CFAP95: variants seen among roughly 807,000 people sequenced by gnomAD.
CFAP95 encodes the protein cilia- and flagella-associated protein 95.
the CFAP95 span, among the ~76,000 whole-genome samples, chr9:69,878,990 A>T: frequency 6.6e-6 from 1 of 152,160 alleles, no homozygotes; most frequent in African/African-American, 2.4e-5. Flanking sequence ...ATATGACCAG[A>T]TAGTGCGAGA....
the CFAP95 span, among the ~76,000 whole-genome samples, chr9:69,895,361 C>CTGTGTGTGTG: frequency 3.6e-4 from 33 of 91,786 alleles, no homozygotes; most frequent in African/African-American, 1.1e-3. Flanking sequence ...CTCTCTCTCT[C>CTGTGTGTGTG]TCTCTCTCTG....
the CFAP95 span, chr9:69,906,194 A>T: frequency 2.2e-6 from 3 of 1,369,536 alleles, no homozygotes; most frequent in Admixed American, 2.3e-5. Context: ...GCAGTTGATG[A>T]TTTTCTATCT....
At chr9:69,892,263 C>T in the CFAP95 span, among the ~76,000 whole-genome samples, 1 of 152,156 alleles carries the variant, frequency 6.6e-6, no homozygotes, top group Non-Finnish European at 1.5e-5. Context: ...AGGCACTCTG[C>T]GTTCTGTGTC....
the CFAP95 span, among the ~76,000 whole-genome samples, chr9:69,841,164 TTATATA>T: frequency 4.1e-3 from 229 of 56,072 alleles, 8 homozygotes; most frequent in South Asian, 7.9e-3. Context: ...CCAAGCTGGA[TTATATA>T]TATATATATA....
the CFAP95 span, among the ~76,000 whole-genome samples, chr9:69,848,546 C>A: frequency 2.0e-5 from 3 of 152,176 alleles, no homozygotes; most frequent in Non-Finnish European, 1.5e-5. Flanking sequence ...GATAAACATA[C>A]CCAGGGGAAA....
chr9:69,879,086 G>A, the CFAP95 span, among the ~76,000 whole-genome samples: 1 of 152,148 alleles, frequency 6.6e-6, no homozygotes, highest in South Asian at 2.1e-4. Context: ...CTCACCTCCA[G>A]TATTGGGAAT....
At chr9:69,855,231 C>T in the CFAP95 span, among the ~76,000 whole-genome samples, 6 of 152,254 alleles carry the variant, frequency 3.9e-5, no homozygotes, top group East Asian at 1.9e-4. Context: ...TCCTTTTACT[C>T]CTCTATTTTA....
chr9:69,905,979 C>G, the CFAP95 span: 3 of 1,609,670 alleles, frequency 1.9e-6, no homozygotes, highest in Non-Finnish European at 2.5e-6. Flanking sequence ...GATGATTATT[C>G]CATAGTCCAC....
chr9:69,891,475 G>T, the CFAP95 span, among the ~76,000 whole-genome samples: 166 of 150,076 alleles, frequency 1.1e-3, no homozygotes, highest in African/African-American at 3.9e-3. Flanking sequence ...AAAGACAAAA[G>T]TAATCCGAGT....
chr9:69,834,913 T>G, the CFAP95 span, among the ~76,000 whole-genome samples: 1 of 152,244 alleles, frequency 6.6e-6, no homozygotes, highest in Non-Finnish European at 1.5e-5. Context: ...CAAATACACC[T>G]GAAAGTCTTC....
chr9:69,880,572 T>C, the CFAP95 span, among the ~76,000 whole-genome samples: 2 of 152,204 alleles, frequency 1.3e-5, no homozygotes, highest in Non-Finnish European at 2.9e-5. Flanking sequence ...GATGAATTCT[T>C]AGGTTACTTC....
the CFAP95 span, among the ~76,000 whole-genome samples, chr9:69,851,881 A>C: frequency 6.6e-6 from 1 of 151,706 alleles, no homozygotes; most frequent in Non-Finnish European, 1.5e-5. Flanking sequence ...ATAGAGAAAA[A>C]AAAAAAAGAA....
At chr9:69,895,857 A>G in the CFAP95 span, among the ~76,000 whole-genome samples, 1 of 151,850 alleles carries the variant, frequency 6.6e-6, no homozygotes, top group Non-Finnish European at 1.5e-5. Flanking sequence ...GTGCAGTGGA[A>G]TGATCTCGGC....
chr9:69,852,498 C>G, the CFAP95 span, among the ~76,000 whole-genome samples: 738 of 152,172 alleles, frequency 4.8e-3, 13 homozygotes, highest in East Asian at 0.04. Context: ...TGAATCCCAC[C>G]CCTTTAATCT....
chr9:69,829,430 C>T, the CFAP95 span, among the ~76,000 whole-genome samples: 5 of 152,230 alleles, frequency 3.3e-5, no homozygotes, highest in South Asian at 4.1e-4. Context: ...AAAATAAAAT[C>T]GTTTTACATG....
chr9:69,905,203 T>A, the CFAP95 span, among the ~76,000 whole-genome samples: 8 of 152,192 alleles, frequency 5.3e-5, no homozygotes, highest in Non-Finnish European at 7.4e-5. Flanking sequence ...AGATTGTAAC[T>A]ATTTTGGTGT....
chr9:69,862,971 T>A, the CFAP95 span, among the ~76,000 whole-genome samples: 1 of 152,140 alleles, frequency 6.6e-6, no homozygotes, highest in Non-Finnish European at 1.5e-5. Context: ...AGAAAAGCGC[T>A]CTGTGAATAA....
chr9:69,844,705 T>A, the CFAP95 span: 2 of 1,019,338 alleles, frequency 2.0e-6, no homozygotes, highest in Non-Finnish European at 3.0e-6. Context: ...GAGGAGTGTT[T>A]TGTGCAGCAC....
the CFAP95 span, among the ~76,000 whole-genome samples, chr9:69,895,187 G>A: frequency 2.0e-5 from 3 of 151,932 alleles, no homozygotes; most frequent in Non-Finnish European, 2.9e-5. Context: ...AATGTAAGTG[G>A]GGCTCATTGA....
Sources: gnomAD v4.1 joint callset for allele counts (sites outside exome capture counted in the v4.1 genomes callset) on GRCh38, gnomAD v4.1.1 for gene constraint, MANE v1.5 for transcripts, NCBI Gene and HGNC (gene_info 2026-07-23, HGNC 2026-07-21) for gene names.